SI: variants seen among roughly 807,000 people sequenced by gnomAD.
SI encodes sucrase-isomaltase, also known as sucrase-isomaltase, intestinal.
Under a neutral mutation model 253.3 loss-of-function variants are expected in SI, and 235 were observed. That is an observed-to-expected ratio of 0.93 (90% confidence interval 0.83 to 1.03). The LOEUF (loss-of-function observed/expected upper bound fraction) is 1.03. Among genes scored for constraint, SI ranks in the 50% least tolerant of loss-of-function variants. The probability of loss-of-function intolerance (pLI) is 0.00; values close to 1 mark genes in which losing one functional copy is unlikely to be tolerated. For synonymous variants in SI, 819 were observed against 712.0 expected (o/e 1.15, Z -2.39); for missense variants, 2,442 against 2,211.1 (o/e 1.10, Z -2.09).
chr3:165,007,356 T>C (rs1718563545), intron 36 of SI, among the ~76,000 whole-genome samples: 1 of 152,072 alleles, frequency 6.6e-6, no homozygotes, highest in Non-Finnish European at 1.5e-5. Context: ...TTGCCATCAC[T>C]TAATATGCTA....
At chr3:165,020,146 T>A (rs1320099896) in intron 27 of SI, among the ~76,000 whole-genome samples, 2 of 151,728 alleles carry the variant, frequency 1.3e-5, no homozygotes, top group Non-Finnish European at 2.9e-5. Context: ...ATAATCACAA[T>A]ACATTTTTTT....
chr3:165,089,280 T>C, the SI span, among the ~76,000 whole-genome samples: 2 of 152,042 alleles, frequency 1.3e-5, no homozygotes, highest in Admixed American at 6.6e-5. Flanking sequence ...ACAGGAGAGA[T>C]TAAACTATTG....
intron 17 of SI, among the ~76,000 whole-genome samples, chr3:165,042,469 A>G (rs1712886577): frequency 6.6e-6 from 1 of 152,086 alleles, no homozygotes; most frequent in Admixed American, 6.6e-5. Flanking sequence ...ATGAGCCCAC[A>G]GTATGCTGAG....
At chr3:165,002,285 G>A (rs1015800306) in intron 37 of SI, among the ~76,000 whole-genome samples, 2 of 151,634 alleles carry the variant, frequency 1.3e-5, no homozygotes, top group Non-Finnish European at 3.0e-5. Flanking sequence ...CAAATTACAA[G>A]AGATGAGAGC....
intron 21 of SI, 51 bp downstream of exon 21, chr3:165,037,849 A>G (rs1176316449): frequency 1.0e-5 from 13 of 1,271,368 alleles, no homozygotes; most frequent in Non-Finnish European, 1.5e-5. Context: ...AATATGAAAT[A>G]TTAAGATTTG....
chr3:165,004,716 C>T (rs987317681), intron 37 of SI, among the ~76,000 whole-genome samples: 3 of 152,104 alleles, frequency 2.0e-5, no homozygotes, highest in African/African-American at 7.2e-5. Flanking sequence ...CATATGTTCT[C>T]ACTTATTGTG....
At chr3:165,023,798 A>G (rs768344796) in intron 25 of SI, 22 bp from the exon 26 acceptor site, 6 of 1,516,884 alleles carry the variant, frequency 4.0e-6, no homozygotes, top group Non-Finnish European at 4.6e-6. Context: ...ATGCATGTTC[A>G]TTGCCAGAAA....
chr3:165,039,179 A>T (rs1247462568), intron 19 of SI, 45 bp from the exon 20 acceptor site: 5 of 1,305,828 alleles, frequency 3.8e-6, no homozygotes, highest in Non-Finnish European at 5.5e-6. Context: ...ATTTTTAACA[A>T]GGAGGATCTT....
intron 20 of SI, 96 bp downstream of exon 20, chr3:165,038,982 T>C (rs938279413): frequency 8.2e-6 from 6 of 732,268 alleles, no homozygotes; most frequent in Admixed American, 6.9e-5. Context: ...AAAATATGTA[T>C]GCTATGTAGT....
At chr3:165,070,362 A>G (rs62280368) in intron 3 of SI, among the ~76,000 whole-genome samples, 79,857 of 136,996 alleles carry the variant, frequency 0.58, 23,092 homozygotes, top group East Asian at 0.81. Flanking sequence ...ATATATATAT[A>G]TATGTGTGTG....
chr3:165,023,904 A>T (rs534086696), intron 25 of SI, 128 bp from the exon 26 acceptor site: 2 of 715,398 alleles, frequency 2.8e-6, no homozygotes, highest in African/African-American at 1.8e-5. Context: ...AAATGAAATA[A>T]CAGTTATAAC....
In SI at chr3:165,030,885, A is replaced by AT. The variant is rs778827263; in HGVS notation, c.2737-19_2737-18insA. 2 of 1,523,148 alleles carry AT rather than the reference A, an allele frequency of 1.3e-6. No homozygotes were observed. The highest frequency in any genetic ancestry group is 1.3e-5 in the South Asian group (1 of 79,158). 94.4% of individuals were successfully genotyped at this position (1,523,148 alleles called of 1,614,324 possible). A position where few individuals can be genotyped will look rare whatever the true frequency, so the allele number is the denominator to read the frequency against. ...AGGAGAACCTTTGAAGACAAAAAAA[A>AT]AAAAAGAAAAAAAGAAAAAAAAAAC... On this transcript the variant is annotated intron_variant, in intron 24 of 47. Coordinates refer to ENST00000264382, the MANE Select transcript of SI (RefSeq NM_001041.4).
At chr3:165,020,686 A>G (rs528724587) in intron 27 of SI, among the ~76,000 whole-genome samples, 213 of 151,724 alleles carry the variant, frequency 1.4e-3, no homozygotes, top group African/African-American at 4.8e-3. Flanking sequence ...ATTACATAAA[A>G]GTATATTTTA....
At chr3:165,028,795 G>C (rs936949690) in intron 25 of SI, among the ~76,000 whole-genome samples, 4 of 151,314 alleles carry the variant, frequency 2.6e-5, no homozygotes, top group African/African-American at 9.7e-5. Context: ...AACTCAAGGT[G>C]GATTAAGGAC....
At chr3:164,996,206 C>T (rs1281450044) in intron 40 of SI, among the ~76,000 whole-genome samples, 1 of 151,740 alleles carries the variant, frequency 6.6e-6, no homozygotes, top group Non-Finnish European at 1.5e-5. Context: ...ATAGGCAGAG[C>T]ACATCTTTTA....
chr3:165,075,972 A>G lies in SI; in HGVS notation c.41T>C (p.Ile14Thr). ...KKFSGLEISL[I>T]VLFVIVTIIA... ...TATAGTAACTATGACAAAAAGGACA[A>G]TCAGAGAGATTTCCAATCCACTAAA... The change falls in exon 2 of 48, where the codon ATT (isoleucine) becomes ACT (threonine). Residue 14 changes from isoleucine to threonine, a missense_variant. By Grantham distance (89) the Ile-to-Thr change is moderately conservative (BLOSUM62 -1). Coordinates refer to ENST00000264382, the MANE Select transcript of SI (RefSeq NM_001041.4). 1 of 1,594,690 alleles carries G rather than the reference A, an allele frequency of 6.3e-7. No homozygotes were observed.
At chr3:164,998,953 T>G (rs1411802294) in intron 37 of SI, among the ~76,000 whole-genome samples, 1 of 151,852 alleles carries the variant, frequency 6.6e-6, no homozygotes, top group East Asian at 1.9e-4. Flanking sequence ...CAACTATTAA[T>G]TGAATGAAAT....
At chr3:165,019,534 A>C in intron 28 of SI, 68 bp downstream of exon 28, 2 of 1,388,474 alleles carry the variant, frequency 1.4e-6, no homozygotes, top group Non-Finnish European at 2.1e-6. Flanking sequence ...ACAGGCCCAT[A>C]AAGAAGTGGC....
At chr3:164,995,597 C>T (rs1397971277) in intron 40 of SI, among the ~76,000 whole-genome samples, 2 of 151,780 alleles carry the variant, frequency 1.3e-5, no homozygotes, top group African/African-American at 2.4e-5. Flanking sequence ...AAAACACCAA[C>T]CACATTACAA....
Sources: gnomAD v4.1 joint callset for allele counts (sites outside exome capture counted in the v4.1 genomes callset) on GRCh38, gnomAD v4.1.1 for gene constraint, MANE v1.5 for transcripts, NCBI Gene and HGNC (gene_info 2026-07-23, HGNC 2026-07-21) for gene names.